Variants in MLLT3 observed in about 807,000 individuals in gnomAD.
MLLT3 encodes MLLT3 super elongation complex subunit.
A neutral mutation model predicts 53.2 loss-of-function variants in MLLT3; 4 were observed. That is an observed-to-expected ratio of 0.08 (90% CI 0.04 to 0.17). The LOEUF (loss-of-function observed/expected upper bound fraction) is 0.17. Ranked by LOEUF, MLLT3 falls within the 10% of genes least tolerant of loss-of-function variation. The pLI is 1.00. For synonymous variants in MLLT3, 283 were observed against 230.6 expected (o/e 1.23, Z -2.06); for missense variants, 569 against 684.0 (o/e 0.83, Z 1.87).
Position 20,620,709 on chromosome 9 carries a change from G to A in MLLT3, c.138C>T (p.His46=). Residue 46 remains histidine (H), a synonymous_variant, in exon 2 of 11, where the codon CAC becomes CAT. Transcript: ENST00000380338. The surrounding 1 kb of genome is among the most constrained non-coding windows in gnomAD (Gnocchi z 6.1). ...AGTGGAAGACGACTTTCTCCACAAAGTGCTGTATGTTACTGTGCTCCGGAC... is the reference window on the plus strand; with the variant it reads ...AGTGGAAGACGACTTTCTCCACAAAATGCTGTATGTTACTGTGCTCCGGAC... The part of the protein sequence containing the change: ...VRGPEHSNIQ[H]FVEKVVFHLH... 8 of 1,614,192 alleles carry A rather than the reference G, an allele frequency of 5.0e-6. No individual in the cohort carries two copies. Among genetic ancestry groups the A allele is most frequent in the Non-Finnish European group, 6.8e-6 (8 of 1,180,016 alleles).
At chr9:20,373,270 G>T (rs1371983143) in intron 5 of MLLT3, among the ~76,000 whole-genome samples, 1 of 152,076 alleles carries the variant, frequency 6.6e-6, no homozygotes, top group Non-Finnish European at 1.5e-5. Context: ...CCTAATACAA[G>T]ATATATCTTT....
At chr9:20,582,748 G>C (rs1819828968) in intron 2 of MLLT3, among the ~76,000 whole-genome samples, 1 of 152,146 alleles carries the variant, frequency 6.6e-6, no homozygotes, top group South Asian at 2.1e-4. Context: ...ATCAGATCTT[G>C]TGAGACATAC....
At chr9:20,413,281 G>T (rs886340174) in intron 5 of MLLT3, among the ~76,000 whole-genome samples, 1 of 152,006 alleles carries the variant, frequency 6.6e-6, no homozygotes, top group Non-Finnish European at 1.5e-5. Context: ...ACATAAACAT[G>T]TTACTTCATT....
At position 20,354,335 on chromosome 9, in the gene MLLT3, T is replaced by C. The variant is rs545102147; in HGVS notation, c.1503+473A>G. 7.2e-5 allele frequency among the ~76,000 whole-genome samples: 11 copies of C among 152,334 alleles called. No homozygotes were observed. The South Asian group carries it at 2.3e-3, about 32-fold the overall frequency. On this transcript the variant is annotated intron_variant, in intron 9 of 10. Transcript: ENST00000380338. ...TTTGCGATAAAGGCAAATGAAAGAT[T>C]TGTGAAACATTACAGAGGTCTGCCC...
intron 2 of MLLT3, among the ~76,000 whole-genome samples, chr9:20,531,289 C>T (rs1031769392): frequency 7.2e-5 from 11 of 151,956 alleles, no homozygotes; most frequent in African/African-American, 2.2e-4. Flanking sequence ...GCGTATGCCA[C>T]CACGCCCAAG....
intron 5 of MLLT3, among the ~76,000 whole-genome samples, chr9:20,367,472 G>A (rs1019667551): frequency 3.9e-5 from 6 of 152,114 alleles, no homozygotes; most frequent in African/African-American, 7.2e-5. Flanking sequence ...GACTAAAGAC[G>A]GTACATTAGG....
chr9:20,541,471 A>AACTT (rs1471351552), intron 2 of MLLT3, among the ~76,000 whole-genome samples: 1 of 152,222 alleles, frequency 6.6e-6, no homozygotes, highest in Non-Finnish European at 1.5e-5. Context: ...GGACTCAGGA[A>AACTT]ACTTACAATC....
At position 20,360,616 on chromosome 9, in the gene MLLT3, C is replaced by G. The variant is rs530165036; in HGVS notation, c.1431+126G>C. On this transcript the variant is annotated intron_variant, in intron 8 of 10. Coordinates refer to ENST00000380338, the MANE Select transcript of MLLT3 (RefSeq NM_004529.4). Reference sequence around the variant, plus strand: ...TGTTTATTCCACAGGCTGTGGCCTCCCTCCCATCTATTTGGCATCAAGAGG... The same window carrying G: ...TGTTTATTCCACAGGCTGTGGCCTCGCTCCCATCTATTTGGCATCAAGAGG... 10 of 737,158 alleles carry G rather than the reference C, an allele frequency of 1.4e-5. No individual in the cohort carries two copies. In the African/African-American group the frequency reaches 1.7e-4, roughly 13 times the overall value. 45.7% of individuals were successfully genotyped at this position (737,158 alleles called of 1,614,324 possible). A position where few individuals can be genotyped will look rare whatever the true frequency, so the allele number is the denominator to read the frequency against.
In MLLT3 at chr9:20,412,397, A is replaced by G. The variant is rs908841025; in HGVS notation, c.1125+1324T>C. ...CCAAATACTGGAACAAATTTTCCCA[A>G]TGTCCAGTATTTTATATGCTACTGT... On this transcript the variant is annotated intron_variant, in intron 5 of 10. Transcript: ENST00000380338. 3.9e-5 allele frequency among the ~76,000 whole-genome samples: 6 copies of G among 152,224 alleles called. No homozygotes were observed. In the South Asian group the frequency reaches 8.3e-4, roughly 21 times the overall value.
At chr9:20,354,328 G>T (rs1821110141) in intron 9 of MLLT3, among the ~76,000 whole-genome samples, 1 of 152,224 alleles carries the variant, frequency 6.6e-6, no homozygotes, top group African/African-American at 2.4e-5. Context: ...AAAGGCAAAT[G>T]AAAGATTTGT....
intron 2 of MLLT3, among the ~76,000 whole-genome samples, chr9:20,587,299 T>A (rs1326474645): frequency 1.3e-5 from 2 of 152,146 alleles, no homozygotes; most frequent in Non-Finnish European, 2.9e-5. Context: ...ATCTTTTTCT[T>A]TATTCACTCC....
chr9:20,596,787 T>C (rs572732474), intron 2 of MLLT3, among the ~76,000 whole-genome samples: 44 of 152,314 alleles, frequency 2.9e-4, no homozygotes, highest in African/African-American at 1.0e-3. Flanking sequence ...TCCCTTGCAA[T>C]TACACATTAA....
chr9:20,622,071 G>GA (rs948690968), intron 1 of MLLT3, 174 bp downstream of exon 1: 2 of 191,054 alleles, frequency 1.0e-5, no homozygotes, highest in African/African-American at 6.1e-5. Flanking sequence ...GCGCCGGGGG[G>GA]GGGTGGGGGA....
intron 2 of MLLT3, among the ~76,000 whole-genome samples, chr9:20,505,823 C>T (rs1301944028): frequency 6.6e-6 from 1 of 152,172 alleles, no homozygotes; most frequent in Non-Finnish European, 1.5e-5. Context: ...AGGCATGTAA[C>T]ATTAGAATAT....
At chr9:20,519,774 T>A (rs1004182647) in intron 2 of MLLT3, among the ~76,000 whole-genome samples, 1 of 152,220 alleles carries the variant, frequency 6.6e-6, no homozygotes, top group African/African-American at 2.4e-5. Flanking sequence ...TCAACCATTG[T>A]GGAAGACAGT....
In MLLT3 at chr9:20,344,338, T is replaced by A. The variant is rs964780187; in HGVS notation, c.*2105A>T. 5.0e-6 allele frequency: 1 copy of A among 201,676 alleles called. No homozygotes were observed. Among genetic ancestry groups the A allele is most frequent in the African/African-American group, 2.3e-5 (1 of 43,640 alleles). 12.5% of individuals were successfully genotyped at this position (201,676 alleles called of 1,614,324 possible). ...AACTACACAGATATATTAAATCACA[T>A]AAACTTCTGGCTTGATCAGAATATG... On this transcript the variant is annotated 3_prime_UTR_variant, in exon 11 of 11. Coordinates refer to ENST00000380338, the MANE Select transcript of MLLT3 (RefSeq NM_004529.4).
chr9:20,395,095 T>C (rs1822288258), intron 5 of MLLT3, among the ~76,000 whole-genome samples: 1 of 152,148 alleles, frequency 6.6e-6, no homozygotes, highest in Non-Finnish European at 1.5e-5. Context: ...AGGCAACAGA[T>C]GGAGCAAATG....
At chr9:20,496,691 A>G (rs1397974244) in intron 2 of MLLT3, among the ~76,000 whole-genome samples, 2 of 152,218 alleles carry the variant, frequency 1.3e-5, no homozygotes, top group African/African-American at 2.4e-5. Context: ...TAAAGTTGAC[A>G]TGGAACCAGA....
In MLLT3 at chr9:20,344,520, G is replaced by A. The variant is rs1435568803; in HGVS notation, c.*1923C>T. On this transcript the variant is annotated 3_prime_UTR_variant, in exon 11 of 11. Coordinates refer to ENST00000380338, the MANE Select transcript of MLLT3 (RefSeq NM_004529.4). ...GTCCAAAATGACTCAAAGTTTCTCT[G>A]CACATCAAGAAGTGGACAATACAAC... 9.1e-6 allele frequency: 2 copies of A among 219,074 alleles called. No homozygotes were observed. The highest frequency in any genetic ancestry group is 1.8e-5 in the Non-Finnish European group (2 of 109,102). The allele number at this position is 219,074 out of a possible 1,614,324, so 13.6% of individuals were successfully genotyped here. A position where few individuals can be genotyped will look rare whatever the true frequency, so the allele number is the denominator to read the frequency against.
Sources: gnomAD v4.1 joint callset for allele counts (sites outside exome capture counted in the v4.1 genomes callset) on GRCh38, gnomAD v4.1.1 for gene constraint, Gnocchi (gnomAD v3.1) non-coding constraint, MANE v1.5 for transcripts, NCBI Gene and HGNC (gene_info 2026-07-23, HGNC 2026-07-21) for gene names.